The following GRM8 variants were observed in gnomAD, a reference collection of about 807,000 sequenced individuals.
GRM8 encodes metabotropic glutamate receptor 8.
Under a neutral mutation model 87.2 loss-of-function variants are expected in GRM8, and 47 were observed. The ratio of observed to expected loss-of-function variants is 0.54; its 90% CI spans 0.43 to 0.69. The LOEUF (loss-of-function observed/expected upper bound fraction) is 0.69. Ranked by LOEUF, GRM8 falls within the 30% of genes least tolerant of loss-of-function variation. The pLI is 0.00. For synonymous variants in GRM8, 396 were observed against 404.5 expected, an observed-to-expected ratio of 0.98 and a Z score of 0.25; for missense variants, 1,019 against 1,139.2, an observed-to-expected ratio of 0.89 and a Z score of 1.52.
intron 6 of GRM8, among the ~76,000 whole-genome samples, chr7:126,770,487 A>T (rs1818721089): frequency 6.6e-6 from 1 of 152,002 alleles, no homozygotes; most frequent in Non-Finnish European, 1.5e-5. Flanking sequence ...CCACCTACCA[A>T]ATCAGTTCTA....
chr7:126,622,504 C>T (rs1013055974), intron 7 of GRM8, among the ~76,000 whole-genome samples: 9 of 152,178 alleles, frequency 5.9e-5, no homozygotes, highest in Middle Eastern at 3.4e-3. Flanking sequence ...CAAAATCTAC[C>T]GCCTACCTGT....
intron 7 of GRM8, among the ~76,000 whole-genome samples, chr7:126,638,170 AT>A (rs1802041942): frequency 6.6e-6 from 1 of 152,134 alleles, no homozygotes; most frequent in Non-Finnish European, 1.5e-5. Flanking sequence ...GCTAAAATAT[AT>A]TTTTTGTTTA....
At chr7:127,029,932 C>T (rs1204809637) in intron 3 of GRM8, among the ~76,000 whole-genome samples, 3 of 152,010 alleles carry the variant, frequency 2.0e-5, no homozygotes, top group Non-Finnish European at 4.4e-5. Context: ...CCAACCTCAC[C>T]ATACAACAAA....
At chr7:127,176,305 T>C (rs145774646) in intron 2 of GRM8, among the ~76,000 whole-genome samples, 2 of 152,168 alleles carry the variant, frequency 1.3e-5, no homozygotes, top group African/African-American at 2.4e-5. Context: ...AAAACAGATA[T>C]GAACATGGTA....
intron 9 of GRM8, among the ~76,000 whole-genome samples, chr7:126,469,283 A>G (rs767795120): frequency 9.9e-5 from 15 of 152,164 alleles, no homozygotes; most frequent in Non-Finnish European, 2.2e-4. Context: ...CAGTGAAACT[A>G]TTATCTGTAT....
At chr7:126,844,673 C>T (rs1796558978) in intron 6 of GRM8, among the ~76,000 whole-genome samples, 1 of 152,076 alleles carries the variant, frequency 6.6e-6, no homozygotes, top group African/African-American at 2.4e-5. Context: ...CATCAGGATG[C>T]CACCATGGTC....
intron 8 of GRM8, among the ~76,000 whole-genome samples, chr7:126,606,504 A>G (rs1798361836): frequency 6.6e-6 from 1 of 152,182 alleles, no homozygotes; most frequent in South Asian, 2.1e-4. Context: ...AGATCTAAGC[A>G]AAACATTAAC....
rs1418496580 is a variant in GRM8, at chr7:126,595,863, C to T, written c.1494+13499G>A. Reference sequence around the variant, plus strand: ...TAGAATGATTTATAGTCCGGCTGGTCGCAGTAGCTCATGCCTGTAATCCCA... The same window carrying T: ...TAGAATGATTTATAGTCCGGCTGGTTGCAGTAGCTCATGCCTGTAATCCCA... On this transcript the variant is annotated intron_variant, in intron 8 of 10. Coordinates refer to ENST00000339582, the MANE Select transcript of GRM8 (RefSeq NM_000845.3). Among the ~76,000 whole-genome samples the T allele has an allele frequency of 4.6e-5, 7 of 152,170 alleles. No homozygotes were observed. In the South Asian group the frequency reaches 8.3e-4, roughly 18 times the overall value.
At chr7:126,743,978 A>T (rs1162404480) in intron 7 of GRM8, among the ~76,000 whole-genome samples, 1 of 152,098 alleles carries the variant, frequency 6.6e-6, no homozygotes, top group Non-Finnish European at 1.5e-5. Flanking sequence ...GTGGTGCCGA[A>T]CTACACTAGT....
chr7:127,208,605 C>A (rs1360006107), intron 2 of GRM8, among the ~76,000 whole-genome samples: 3 of 152,218 alleles, frequency 2.0e-5, no homozygotes, highest in Non-Finnish European at 2.9e-5. Context: ...CCGGTCTCTG[C>A]CATGCCTCTT....
chr7:126,705,097 G>A (rs987339495), intron 7 of GRM8, among the ~76,000 whole-genome samples: 2 of 152,048 alleles, frequency 1.3e-5, no homozygotes, highest in Non-Finnish European at 2.9e-5. Context: ...TTTGTACTCT[G>A]TCCCTTTATT....
At chr7:126,973,037 C>G (rs1167714324) in intron 3 of GRM8, among the ~76,000 whole-genome samples, 16 of 152,148 alleles carry the variant, frequency 1.1e-4, no homozygotes, top group Admixed American at 9.8e-4. Flanking sequence ...TTATTAGGTC[C>G]TATCTTTATT....
chr7:126,641,804 G>T (rs1194117158), intron 7 of GRM8, among the ~76,000 whole-genome samples: 1 of 152,146 alleles, frequency 6.6e-6, no homozygotes. Flanking sequence ...AAGGTAAAAT[G>T]GGCAGAGTAG....
chr7:126,877,690 CAA>C (rs1799650005), intron 6 of GRM8, among the ~76,000 whole-genome samples: 1 of 152,132 alleles, frequency 6.6e-6, no homozygotes, highest in Admixed American at 6.5e-5. Flanking sequence ...TACCTGTCTC[CAA>C]AGTCTTTACT....
intron 7 of GRM8, among the ~76,000 whole-genome samples, chr7:126,677,694 GA>G (rs1404202056): frequency 6.6e-6 from 1 of 152,124 alleles, no homozygotes; most frequent in African/African-American, 2.4e-5. Context: ...TGGAGGCTCA[GA>G]AGGAGTTTTG....
chr7:126,775,479 G>GTTTTTTTGTTTTT (rs1819334045), intron 6 of GRM8, among the ~76,000 whole-genome samples: 1 of 104,748 alleles, frequency 9.5e-6, no homozygotes, highest in Admixed American at 1.1e-4. Context: ...TGACAAATAG[G>GTTTTTTTGTTTTT]TTTTTTTTTT....
At chr7:126,575,927 C>G (rs1265964984) in intron 8 of GRM8, among the ~76,000 whole-genome samples, 2 of 152,080 alleles carry the variant, frequency 1.3e-5, no homozygotes, top group African/African-American at 4.8e-5. Context: ...CACTCTTCTC[C>G]CAGAATGGTT....
chr7:126,976,620 G>A lies in GRM8; in HGVS notation c.728-71937C>T, dbSNP rs529561945. Among the ~76,000 whole-genome samples the A allele has an allele frequency of 3.0e-4, 45 of 152,098 alleles. No homozygotes were observed. The South Asian group carries it at 7.1e-3, about 24-fold the overall frequency. On this transcript the variant is annotated intron_variant, in intron 3 of 10. Coordinates refer to ENST00000339582, the MANE Select transcript of GRM8 (RefSeq NM_000845.3). ...AAACAACAACAACAACAAAAAAAAC[G>A]AAAATACAAAGTATCATGAAATTTA...
intron 7 of GRM8, among the ~76,000 whole-genome samples, chr7:126,749,929 T>C (rs1585774399): frequency 6.6e-6 from 1 of 152,198 alleles, no homozygotes; most frequent in East Asian, 1.9e-4. Context: ...AAACAGTTTG[T>C]CAGTCTCTCG....
Sources: gnomAD v4.1 joint callset for allele counts (sites outside exome capture counted in the v4.1 genomes callset) on GRCh38, gnomAD v4.1.1 for gene constraint, MANE v1.5 for transcripts, NCBI Gene and HGNC (gene_info 2026-07-23, HGNC 2026-07-21) for gene names.